Variants in SPAG9 observed in about 807,000 individuals in gnomAD.
SPAG9 encodes the protein C-Jun-amino-terminal kinase-interacting protein 4.
SPAG9 carries 35 observed loss-of-function variants against 166.5 expected under a neutral mutation model. That is an observed-to-expected ratio of 0.21 (90% CI 0.16 to 0.28). The LOEUF is 0.28. Ranked by LOEUF, SPAG9 falls within the 10% of genes least tolerant of loss-of-function variation. The pLI, the probability that SPAG9 is intolerant of heterozygous loss-of-function variation, is 1.00. For synonymous variants in SPAG9, 534 were observed against 565.5 expected, an observed-to-expected ratio of 0.94 and a Z score of 0.79; for missense variants, 1,235 against 1,603.3, an observed-to-expected ratio of 0.77 and a Z score of 3.92.
intron 10 of SPAG9, among the ~76,000 whole-genome samples, chr17:51,006,569 G>A (rs2045228557): frequency 6.6e-6 from 1 of 152,196 alleles, no homozygotes; most frequent in Admixed American, 6.5e-5. Flanking sequence ...ATTTCTTGAT[G>A]TTACCTTTAA....
At chr17:51,048,504 C>T (rs894991542) in intron 3 of SPAG9, among the ~76,000 whole-genome samples, 1 of 151,104 alleles carries the variant, frequency 6.6e-6, no homozygotes, top group Non-Finnish European at 1.5e-5. Context: ...GAATTCTTAA[C>T]GCTGTACATA....
chr17:51,018,761 G>A (rs986610375), intron 8 of SPAG9, among the ~76,000 whole-genome samples: 6 of 152,090 alleles, frequency 3.9e-5, no homozygotes, highest in Non-Finnish European at 8.8e-5. Flanking sequence ...GGAGTACCCG[G>A]CTGCTGGCCC....
At chr17:51,038,287 C>T (rs1402076549) in intron 5 of SPAG9, among the ~76,000 whole-genome samples, 1 of 151,930 alleles carries the variant, frequency 6.6e-6, no homozygotes, top group Admixed American at 6.6e-5. Flanking sequence ...ATTTGATCTA[C>T]CCAGATTAAG....
chr17:51,068,752 A>T (rs188988663), intron 2 of SPAG9, among the ~76,000 whole-genome samples: 44 of 152,342 alleles, frequency 2.9e-4, no homozygotes, highest in South Asian at 6.2e-4. Context: ...TTCTCTAAGC[A>T]AATCACCAGA....
At chr17:51,053,852 AAAGTAT>A (rs2047259712) in intron 3 of SPAG9, among the ~76,000 whole-genome samples, 16 of 49,310 alleles carry the variant, frequency 3.2e-4, no homozygotes, top group Admixed American at 1.5e-3. Context: ...AAAAAAAAAA[AAAGTAT>A]ATATATATAT....
At chr17:51,041,714 T>C in intron 4 of SPAG9, 63 bp from the exon 5 acceptor site, 2 of 1,494,242 alleles carry the variant, frequency 1.3e-6, no homozygotes, top group Non-Finnish European at 9.3e-7. Context: ...TTGCCATGAC[T>C]ATAAGTAATA....
intron 9 of SPAG9, among the ~76,000 whole-genome samples, chr17:51,011,201 C>T (rs1475125032): frequency 6.6e-6 from 1 of 151,872 alleles, no homozygotes; most frequent in African/African-American, 2.4e-5. Flanking sequence ...TGGTGCATGC[C>T]TGTAGTCCCA....
chr17:50,978,965 A>G (rs958890004), intron 26 of SPAG9, among the ~76,000 whole-genome samples: 5 of 152,196 alleles, frequency 3.3e-5, no homozygotes, highest in African/African-American at 1.2e-4. Context: ...TGGTAGAGAT[A>G]AAGAAGTAAC....
At chr17:51,046,676 T>C (rs1215086549) in intron 4 of SPAG9, 2 of 1,535,904 alleles carry the variant, frequency 1.3e-6, no homozygotes, top group African/African-American at 1.4e-5. Flanking sequence ...TGTGCTGGCA[T>C]GGTGAAACAC....
chr17:51,078,821 C>T (rs1020277820), intron 2 of SPAG9, among the ~76,000 whole-genome samples: 5 of 151,924 alleles, frequency 3.3e-5, no homozygotes, highest in Non-Finnish European at 7.4e-5. Context: ...GGATTCAGTA[C>T]TTTTTTTTCT....
chr17:51,107,853 T>TA (rs992791796), intron 1 of SPAG9, among the ~76,000 whole-genome samples: 3 of 150,816 alleles, frequency 2.0e-5, no homozygotes, highest in African/African-American at 7.3e-5. Flanking sequence ...AGGTTGAGGC[T>TA]ACAGTGAGCT....
At chr17:51,054,545 T>C (rs943593449) in intron 3 of SPAG9, among the ~76,000 whole-genome samples, 2 of 151,950 alleles carry the variant, frequency 1.3e-5, no homozygotes, top group Non-Finnish European at 2.9e-5. Context: ...CACACCATTC[T>C]CCTGCCTCAG....
Position 50,970,820 on chromosome 17 carries a change from G to A in SPAG9, c.3737C>T (p.Thr1246Met), listed in dbSNP as rs200041587. ...VISPQSSSSG[T>M]DLTGDKAGPS... Reference sequence around the variant, plus strand: ...CCCTGCTTTGTCACCCGTCAGATCCGTGCCACTACTGCTACTTTGTGGGCT... The same window carrying A: ...CCCTGCTTTGTCACCCGTCAGATCCATGCCACTACTGCTACTTTGTGGGCT... The change falls in exon 29 of 30, where the codon ACG becomes ATG. Residue 1246 changes from threonine to methionine, a missense_variant. Transcript: ENST00000262013. 94 of 1,613,822 alleles carry A rather than the reference G, an allele frequency of 5.8e-5. No homozygotes were observed. Among genetic ancestry groups the A allele is most frequent in the South Asian group, 9.9e-5 (9 of 91,088 alleles).
rs116182553 is a variant in SPAG9 at position 51,095,791 on chromosome 17, C to T, written c.304-16087G>A. ...ATATAGTGATATATATAGTGATATACGTATAGTGATATATAGTGAGATATA... is the reference window on the plus strand; with the variant it reads ...ATATAGTGATATATATAGTGATATATGTATAGTGATATATAGTGAGATATA... On this transcript the variant is annotated intron_variant, in intron 1 of 29. Coordinates refer to ENST00000262013, the MANE Select transcript of SPAG9 (RefSeq NM_001130528.3). Among the ~76,000 whole-genome samples, 772 of 135,794 alleles carry T rather than the reference C, an allele frequency of 5.7e-3. 6 individuals are homozygous for T. Among genetic ancestry groups the T allele is most frequent in the African/African-American group, 0.02 (713 of 36,318 alleles). 89.1% of individuals were successfully genotyped at this position (135,794 alleles called of 152,430 possible).
At chr17:50,986,298 A>C (rs1032501295) in intron 22 of SPAG9, among the ~76,000 whole-genome samples, 1 of 152,258 alleles carries the variant, frequency 6.6e-6, no homozygotes, top group Admixed American at 6.5e-5. Context: ...TACAATGCCC[A>C]TAATGCTCTA....
At chr17:51,042,005 C>T (rs961554412) in intron 4 of SPAG9, among the ~76,000 whole-genome samples, 2 of 152,200 alleles carry the variant, frequency 1.3e-5, no homozygotes, top group Non-Finnish European at 2.9e-5. Context: ...AGGGAACTTG[C>T]AACCTCCTTC....
chr17:51,107,828 T>C (rs192428014), intron 1 of SPAG9, among the ~76,000 whole-genome samples: 122 of 150,864 alleles, frequency 8.1e-4, no homozygotes, highest in Non-Finnish European at 1.1e-3. Flanking sequence ...GGTAGGGGGA[T>C]AGCTTGAGCC....
At chr17:50,974,310 C>T (rs1974060304) in intron 28 of SPAG9, among the ~76,000 whole-genome samples, 1 of 152,136 alleles carries the variant, frequency 6.6e-6, no homozygotes, top group Admixed American at 6.5e-5. Flanking sequence ...AGGTTAAGTG[C>T]CTTGCTCGAG....
intron 1 of SPAG9, among the ~76,000 whole-genome samples, chr17:51,086,583 G>A (rs1356546082): frequency 1.3e-5 from 2 of 151,982 alleles, no homozygotes; most frequent in Non-Finnish European, 2.9e-5. Flanking sequence ...AACCCAGGAG[G>A]TGGAGGCTGT....
Sources: allele counts gnomAD v4.1 joint callset (sites outside exome capture counted in the v4.1 genomes callset), GRCh38; gene constraint gnomAD v4.1.1; transcripts MANE v1.5; gene names NCBI Gene and HGNC (gene_info 2026-07-23, HGNC 2026-07-21).